The following ZNF678 variants were observed in gnomAD, a reference collection of about 807,000 sequenced individuals.
ZNF678 encodes the protein hypothetical protein MGC42493.
Under a neutral mutation model 3.0 loss-of-function variants are expected in ZNF678, and 5 were observed. The ratio of observed to expected loss-of-function variants is 1.69; its 90% CI spans 0.88 to 3.56. ZNF678 has a LOEUF of 3.56. Among genes scored for constraint, ZNF678 ranks in the 30% most tolerant of loss-of-function variants. The pLI, the probability that ZNF678 is intolerant of heterozygous loss-of-function variation, is 0.00. For missense variants in ZNF678, 593 were observed against 605.0 expected (o/e 0.98, Z 0.21); for synonymous variants, 218 against 199.6 (o/e 1.09, Z -0.78).
intron 1 of ZNF678, among the ~76,000 whole-genome samples, chr1:227,580,250 A>T (rs1355374630): frequency 6.6e-6 from 1 of 151,334 alleles, no homozygotes; most frequent in Admixed American, 6.7e-5. Flanking sequence ...TGTTAAAAGC[A>T]TACCTGTCAT....
intron 3 of ZNF678, among the ~76,000 whole-genome samples, chr1:227,651,463 A>C (rs1659091204): frequency 6.6e-6 from 1 of 152,180 alleles, no homozygotes; most frequent in African/African-American, 2.4e-5. Context: ...CAAGGTCTGC[A>C]GTTCTGCATC....
At chr1:227,666,886 G>A (rs1317061229), downstream of ZNF678, among the ~76,000 whole-genome samples, 3 of 150,014 alleles carry the variant, frequency 2.0e-5, no homozygotes, top group Admixed American at 6.6e-5. Context: ...CTGGGATTAC[G>A]GGCATGCGCC....
At chr1:227,625,552 G>A (rs1264589517) in intron 1 of ZNF678, among the ~76,000 whole-genome samples, 2 of 152,172 alleles carry the variant, frequency 1.3e-5, no homozygotes, top group African/African-American at 4.8e-5. Flanking sequence ...TTAACAAGGA[G>A]GTTAAAGATA....
At chr1:227,610,209 A>G (rs147096397) in intron 1 of ZNF678, among the ~76,000 whole-genome samples, 2 of 152,334 alleles carry the variant, frequency 1.3e-5, no homozygotes, top group Non-Finnish European at 2.9e-5. Context: ...ACTAATAAAT[A>G]TGTTTAAGCT....
intron 1 of ZNF678, among the ~76,000 whole-genome samples, chr1:227,565,507 C>T (rs1428185275): frequency 2.0e-5 from 3 of 150,886 alleles, no homozygotes; most frequent in Admixed American, 1.3e-4. Flanking sequence ...AATGTGTGTG[C>T]TGCCATGCCC....
At chr1:227,589,968 A>G (rs996013278) in intron 1 of ZNF678, among the ~76,000 whole-genome samples, 1 of 151,646 alleles carries the variant, frequency 6.6e-6, no homozygotes, top group African/African-American at 2.4e-5. Flanking sequence ...TCTCACTTTT[A>G]TCTTTACCAT....
At position 227,596,583 on chromosome 1, in the gene ZNF678, A is replaced by G. The variant is rs572550350; in HGVS notation, c.-164+32859A>G. Among the ~76,000 whole-genome samples, 5 of 152,260 alleles carry G rather than the reference A, an allele frequency of 3.3e-5. No homozygotes were observed. In the South Asian group the frequency reaches 1.0e-3, roughly 32 times the overall value. On this transcript the variant is annotated intron_variant, in intron 1 of 3. Coordinates refer to ENST00000343776, the MANE Select transcript of ZNF678 (RefSeq NM_001367909.1). The stretch of plus-strand genomic sequence containing the variant: ...CCTGTGGATTTCATTTCTGCCTTTT[A>G]GTTTTTACTTCTTCTTTCTTTGGAG...
intron 1 of ZNF678, among the ~76,000 whole-genome samples, chr1:227,640,199 T>G (rs900979585): frequency 6.6e-6 from 1 of 152,104 alleles, no homozygotes; most frequent in African/African-American, 2.4e-5. Context: ...GTTTACAGGC[T>G]TCAGGAGAGG....
At chr1:227,571,419 G>A (rs183707185) in intron 1 of ZNF678, among the ~76,000 whole-genome samples, 10 of 152,214 alleles carry the variant, frequency 6.6e-5, no homozygotes, top group Non-Finnish European at 1.2e-4. Flanking sequence ...TTATTTTAGG[G>A]TAGGTTCCTT....
intron 1 of ZNF678, among the ~76,000 whole-genome samples, chr1:227,567,524 G>A (rs912138184): frequency 3.3e-5 from 5 of 152,202 alleles, no homozygotes; most frequent in South Asian, 4.2e-4. Context: ...GAGAAGCTAC[G>A]GATCTCCTGG....
intron 1 of ZNF678, among the ~76,000 whole-genome samples, chr1:227,608,512 A>T (rs1407823541): frequency 6.6e-6 from 1 of 152,172 alleles, no homozygotes; most frequent in Non-Finnish European, 1.5e-5. Flanking sequence ...AATTATTTAC[A>T]TATTAAAAAT....
At chr1:227,636,405 G>C (rs750407004) in intron 1 of ZNF678, among the ~76,000 whole-genome samples, 2 of 152,162 alleles carry the variant, frequency 1.3e-5, no homozygotes, top group Non-Finnish European at 2.9e-5. Flanking sequence ...AGCCTGTTTT[G>C]ATAAATTGCT....
At chr1:227,614,921 A>G (rs1441914478) in intron 1 of ZNF678, among the ~76,000 whole-genome samples, 1 of 152,240 alleles carries the variant, frequency 6.6e-6, no homozygotes, top group Non-Finnish European at 1.5e-5. Flanking sequence ...AGTTTTTTAA[A>G]TAAGAAAAAT....
chr1:227,583,655 G>C (rs1657190148), intron 1 of ZNF678, among the ~76,000 whole-genome samples: 2 of 152,088 alleles, frequency 1.3e-5, no homozygotes, highest in African/African-American at 4.8e-5. Context: ...AAAAAAAATA[G>C]GAGGTAGGAA....
At chr1:227,679,649 A>G (rs1196852217), downstream of ZNF678, among the ~76,000 whole-genome samples, 2 of 152,190 alleles carry the variant, frequency 1.3e-5, no homozygotes, top group Non-Finnish European at 2.9e-5. Flanking sequence ...TCCCAGCCAA[A>G]TAAACCCCTT....
At chr1:227,609,293 A>G (rs930986713) in intron 1 of ZNF678, among the ~76,000 whole-genome samples, 12 of 152,282 alleles carry the variant, frequency 7.9e-5, no homozygotes, top group African/African-American at 2.9e-4. Context: ...TAAACCAAAT[A>G]TAAACATTTG....
At chr1:227,641,776 C>T (rs1357741206) in intron 1 of ZNF678, among the ~76,000 whole-genome samples, 2 of 151,600 alleles carry the variant, frequency 1.3e-5, no homozygotes, top group Middle Eastern at 6.9e-3. Flanking sequence ...AAAAAAACTT[C>T]ACAAAACAGC....
rs1468397500 is a variant in ZNF678, at chr1:227,660,413, A to G, written c.*4585A>G. 2.6e-5 allele frequency: 4 copies of G among 152,126 alleles called. No individual in the cohort carries two copies. The highest frequency in any genetic ancestry group is 3.4e-3 in the Middle Eastern group (1 of 294). The allele number at this position is 152,126 out of a possible 1,614,324, so 9.4% of individuals were successfully genotyped here. On this transcript the variant is annotated 3_prime_UTR_variant, in exon 4 of 4. Transcript: ENST00000343776. ...TTATTTATGTTTAATTTTATACCTC[A>G]GTTTTCTTTAGCTTTTAATGTAGAG...
At chr1:227,617,664 T>C (rs1658174805) in intron 1 of ZNF678, among the ~76,000 whole-genome samples, 1 of 152,218 alleles carries the variant, frequency 6.6e-6, no homozygotes, top group Admixed American at 6.5e-5. Flanking sequence ...GGCGTATCAG[T>C]TCATTGGCCA....
Sources: allele counts gnomAD v4.1 joint callset (sites outside exome capture counted in the v4.1 genomes callset), GRCh38; gene constraint gnomAD v4.1.1; transcripts MANE v1.5; gene names NCBI Gene and HGNC (gene_info 2026-07-23, HGNC 2026-07-21).